The following FBXL17 variants were observed in gnomAD, a reference collection of about 807,000 sequenced individuals.
The protein encoded by FBXL17 is F-box and leucine rich repeat protein 17, also known as F-box/LRR-repeat protein 17.
FBXL17 carries 22 observed loss-of-function variants against 66.2 expected under a neutral mutation model. That is an observed-to-expected ratio of 0.33 (90% CI 0.24 to 0.47). The LOEUF (loss-of-function observed/expected upper bound fraction) is 0.47. Among genes scored for constraint, FBXL17 ranks in the 20% least tolerant of loss-of-function variants. The probability of loss-of-function intolerance (pLI) is 1.00; values close to 1 mark genes in which losing one functional copy is unlikely to be tolerated. For missense variants in FBXL17, 878 were observed against 948.2 expected, an observed-to-expected ratio of 0.93 and a Z score of 0.97; for synonymous variants, 474 against 400.5, an observed-to-expected ratio of 1.18 and a Z score of -2.19.
intron 5 of FBXL17, among the ~76,000 whole-genome samples, chr5:108,200,071 G>A (rs111512609): frequency 7.2e-5 from 11 of 152,224 alleles, no homozygotes; most frequent in African/African-American, 2.6e-4. Context: ...GTGTTACTGG[G>A]ACCCACAAGC....
chr5:108,372,511 G>C, intron 1 of FBXL17, among the ~76,000 whole-genome samples: 1 of 151,972 alleles, frequency 6.6e-6, no homozygotes, highest in East Asian at 1.9e-4. Flanking sequence ...AAAACCGAGA[G>C]AACCCTGAAA....
intron 6 of FBXL17, among the ~76,000 whole-genome samples, chr5:108,080,182 A>G (rs1232764100): frequency 6.6e-6 from 1 of 152,234 alleles, no homozygotes; most frequent in Non-Finnish European, 1.5e-5. Context: ...AGATAAATTT[A>G]CCTTACAGCA....
At chr5:108,059,967 T>C (rs903654611) in intron 6 of FBXL17, among the ~76,000 whole-genome samples, 1 of 150,908 alleles carries the variant, frequency 6.6e-6, no homozygotes, top group Non-Finnish European at 1.5e-5. Context: ...TATATATAAA[T>C]ATACACTGAA....
intron 5 of FBXL17, among the ~76,000 whole-genome samples, chr5:108,209,382 G>C (rs1042566481): frequency 6.6e-6 from 1 of 152,014 alleles, no homozygotes; most frequent in African/African-American, 2.4e-5. Context: ...ATCCTTGTCT[G>C]GTGCCGGTTT....
chr5:108,344,705 A>G (rs907213582), intron 4 of FBXL17, among the ~76,000 whole-genome samples: 1 of 152,224 alleles, frequency 6.6e-6, no homozygotes, highest in Admixed American at 6.5e-5. Flanking sequence ...CTCTGTCCAA[A>G]AAGTAGAGAA....
chr5:108,072,652 G>T (rs1281655184), intron 6 of FBXL17, among the ~76,000 whole-genome samples: 1 of 152,176 alleles, frequency 6.6e-6, no homozygotes, highest in African/African-American at 2.4e-5. Context: ...AGCTTACAGT[G>T]AGCCGAGATT....
At chr5:107,881,237 TATTATG>T in intron 7 of FBXL17, 58 bp from the exon 8 acceptor site, 1 of 970,096 alleles carries the variant, frequency 1.0e-6, no homozygotes. Flanking sequence ...AGCTCTATCT[TATTATG>T]ACTATTCATC....
In FBXL17 at chr5:108,348,400, A is replaced by G; in HGVS notation, c.1505T>C (p.Leu502Ser). 1.2e-6 allele frequency: 2 copies of G among 1,611,480 alleles called. No individual in the cohort carries two copies. The highest frequency in any genetic ancestry group is 8.5e-7 in the Non-Finnish European group (1 of 1,177,970). ...LQRIYMQENK[L>S]VTDQSVKAFA... is the part of the protein sequence containing the mutation. The stretch of plus-strand genomic sequence containing the variant: ...ACAAGGATGATAACAAGTACTTACT[A>G]ATTTGTTTTCCTGCATGTATATCCT... Residue 502 changes from leucine (L) to serine (S), a missense_variant and splice_region_variant, in exon 4 of 9, where the codon TTA (leucine) becomes TCA (serine). By Grantham distance (145) the Leu-to-Ser change is moderately radical. Coordinates refer to ENST00000542267, the MANE Select transcript of FBXL17 (RefSeq NM_001163315.3).
In FBXL17 at chr5:107,879,877, A is replaced by G. The variant is rs979151856; in HGVS notation, c.1965+1160T>C. 8.1e-6 allele frequency: 8 copies of G among 985,470 alleles called. 1 individual carries two copies. The highest frequency in any genetic ancestry group is 9.4e-5 in the South Asian group (2 of 21,288). The allele number at this position is 985,470 out of a possible 1,614,324, so 61.0% of individuals were successfully genotyped here. A position where few individuals can be genotyped will look rare whatever the true frequency, so the allele number is the denominator to read the frequency against. ...AGACTGCCCCCTGGGTTGTGCCAGC[A>G]GCACTGGATACAGACTCCAAAGACC... On this transcript the variant is annotated intron_variant, in intron 8 of 8. Coordinates refer to ENST00000542267, the MANE Select transcript of FBXL17 (RefSeq NM_001163315.3).
intron 6 of FBXL17, among the ~76,000 whole-genome samples, chr5:108,161,442 T>A (rs2150007127): frequency 6.6e-6 from 1 of 152,198 alleles, no homozygotes; most frequent in East Asian, 1.9e-4. Context: ...GCTGAGATCG[T>A]GCCACTGCAC....
intron 5 of FBXL17, among the ~76,000 whole-genome samples, chr5:108,222,302 CTTG>C (rs542701926): frequency 5.8e-4 from 88 of 152,298 alleles, no homozygotes; most frequent in African/African-American, 2.0e-3. Flanking sequence ...CATCACAACA[CTTG>C]TTGTGCACAA....
At chr5:108,108,849 T>G (rs996249548) in intron 6 of FBXL17, among the ~76,000 whole-genome samples, 1 of 149,364 alleles carries the variant, frequency 6.7e-6, no homozygotes, top group East Asian at 2.0e-4. Context: ...AATGGTGTGA[T>G]CTCGGCTCAC....
At chr5:108,188,559 G>T (rs543710304) in intron 5 of FBXL17, among the ~76,000 whole-genome samples, 3 of 152,162 alleles carry the variant, frequency 2.0e-5, no homozygotes, top group Non-Finnish European at 2.9e-5. Flanking sequence ...ACAGGTTAAG[G>T]GTTTTAGCAA....
chr5:107,868,710 G>A (rs1242172490), intron 8 of FBXL17, among the ~76,000 whole-genome samples: 1 of 152,230 alleles, frequency 6.6e-6, no homozygotes, highest in Non-Finnish European at 1.5e-5. Flanking sequence ...GGAAGTGCAG[G>A]TTGCTGCAGA....
chr5:108,055,307 A>C (rs1747652816), intron 6 of FBXL17, among the ~76,000 whole-genome samples: 2 of 22,112 alleles, frequency 9.0e-5, no homozygotes, highest in African/African-American at 4.4e-4. Context: ...AAAAAAAAAA[A>C]AAAAAAGAAA....
At chr5:107,976,065 G>C (rs1752573668) in intron 7 of FBXL17, among the ~76,000 whole-genome samples, 1 of 152,040 alleles carries the variant, frequency 6.6e-6, no homozygotes, top group African/African-American at 2.4e-5. Flanking sequence ...CACCATGTTG[G>C]CCAGGATGGT....
intron 7 of FBXL17, among the ~76,000 whole-genome samples, chr5:107,946,256 TATATATATATATATA>T (rs1751276933): frequency 6.1e-5 from 1 of 16,478 alleles, no homozygotes; most frequent in African/African-American, 2.8e-4. Context: ...AATCTCATTT[TATATATATATATATA>T]TATATATATA....
intron 7 of FBXL17, among the ~76,000 whole-genome samples, chr5:107,930,624 G>A (rs2112574282): frequency 6.6e-6 from 1 of 152,328 alleles, no homozygotes; most frequent in South Asian, 2.1e-4. Flanking sequence ...CCATGCCAGT[G>A]CCTGGCAACA....
intron 4 of FBXL17, among the ~76,000 whole-genome samples, chr5:108,224,767 G>T (rs534359554): frequency 3.9e-4 from 59 of 151,322 alleles, no homozygotes; most frequent in South Asian, 8.4e-4. Context: ...AGTTTTTTTG[G>T]TTTTTTTTGT....
Sources: gnomAD v4.1 joint callset for allele counts (sites outside exome capture counted in the v4.1 genomes callset) on GRCh38, gnomAD v4.1.1 for gene constraint, MANE v1.5 for transcripts, NCBI Gene and HGNC (gene_info 2026-07-23, HGNC 2026-07-21) for gene names.